Variants in PRKCE observed in about 807,000 individuals in gnomAD.
The protein encoded by PRKCE is protein kinase C epsilon.
A neutral mutation model predicts 85.4 loss-of-function variants in PRKCE; 16 were observed. The ratio of observed to expected loss-of-function variants is 0.19; its 90% CI spans 0.13 to 0.28. The LOEUF is 0.28. PRKCE is among the 10% of genes least tolerant of loss of function. The pLI is 1.00. For synonymous variants in PRKCE, 388 were observed against 371.5 expected, an observed-to-expected ratio of 1.04 and a Z score of -0.51; for missense variants, 573 against 975.2, an observed-to-expected ratio of 0.59 and a Z score of 5.49.
chr2:45,734,505 C>T (rs1022972160), intron 1 of PRKCE, among the ~76,000 whole-genome samples: 1 of 152,136 alleles, frequency 6.6e-6, no homozygotes, highest in African/African-American at 2.4e-5. Flanking sequence ...GTGGTGTGAG[C>T]ATTGGAAGTT....
chr2:46,094,366 C>G (rs937728284), intron 11 of PRKCE, among the ~76,000 whole-genome samples: 1 of 152,114 alleles, frequency 6.6e-6, no homozygotes, highest in Non-Finnish European at 1.5e-5. Context: ...TTGAGACTTT[C>G]CTTTTATATC....
chr2:45,808,565 C>A (rs1020009156), intron 1 of PRKCE, among the ~76,000 whole-genome samples: 1 of 152,170 alleles, frequency 6.6e-6, no homozygotes, highest in Admixed American at 6.5e-5. Flanking sequence ...ATGGTGCCAG[C>A]CCTTCCCATT....
chr2:46,147,494 A>G (rs1249347306), intron 12 of PRKCE, among the ~76,000 whole-genome samples: 1 of 152,226 alleles, frequency 6.6e-6, no homozygotes, highest in African/African-American at 2.4e-5. Flanking sequence ...AAAGCAGTCC[A>G]TTGGTGAGAC....
At chr2:45,983,439 T>G (rs1477290229) in intron 5 of PRKCE, among the ~76,000 whole-genome samples, 3 of 152,110 alleles carry the variant, frequency 2.0e-5, no homozygotes, top group African/African-American at 7.2e-5. Flanking sequence ...TGAGAGGGGC[T>G]GGGGGTGCAG....
intron 1 of PRKCE, among the ~76,000 whole-genome samples, chr2:45,720,112 A>G (rs1321594953): frequency 1.3e-5 from 2 of 152,132 alleles, no homozygotes; most frequent in Non-Finnish European, 2.9e-5. Flanking sequence ...TGATGGAGCT[A>G]TGGGCTGCTT....
intron 2 of PRKCE, among the ~76,000 whole-genome samples, chr2:45,964,832 G>A (rs1159666969): frequency 6.6e-6 from 1 of 152,162 alleles, no homozygotes; most frequent in Non-Finnish European, 1.5e-5. Flanking sequence ...CTCTAATGCT[G>A]CTGTGCCTAC....
chr2:46,120,375 A>C (rs1336656553), intron 11 of PRKCE, among the ~76,000 whole-genome samples: 3 of 152,160 alleles, frequency 2.0e-5, no homozygotes, highest in Non-Finnish European at 1.5e-5. Flanking sequence ...GAGGCCAAGG[A>C]TACTGGTAAA....
At chr2:45,858,104 G>A (rs1692823280) in intron 2 of PRKCE, among the ~76,000 whole-genome samples, 1 of 152,182 alleles carries the variant, frequency 6.6e-6, no homozygotes, top group African/African-American at 2.4e-5. Context: ...GTCATTGGCA[G>A]AGTGGCTGGA....
intron 1 of PRKCE, among the ~76,000 whole-genome samples, chr2:45,832,130 T>C (rs1039351468): frequency 4.6e-5 from 7 of 152,222 alleles, no homozygotes; most frequent in African/African-American, 1.7e-4. Context: ...CAGAGTATTA[T>C]GATGCAGGAA....
intron 1 of PRKCE, among the ~76,000 whole-genome samples, chr2:45,830,586 G>A (rs1186825590): frequency 6.6e-6 from 1 of 152,184 alleles, no homozygotes; most frequent in Non-Finnish European, 1.5e-5. Flanking sequence ...CCATGACAAA[G>A]AACAAATAGA....
intron 1 of PRKCE, among the ~76,000 whole-genome samples, chr2:45,689,033 T>C (rs561727775): frequency 1.3e-5 from 2 of 152,244 alleles, no homozygotes; most frequent in Admixed American, 6.5e-5. Flanking sequence ...GAACAAAATG[T>C]TGTAGGTATG....
intron 1 of PRKCE, among the ~76,000 whole-genome samples, chr2:45,710,722 A>G (rs1489873849): frequency 6.6e-6 from 1 of 152,162 alleles, no homozygotes; most frequent in Non-Finnish European, 1.5e-5. Flanking sequence ...ACTAACTGAC[A>G]TCTTGTTTTT....
Position 46,004,177 on chromosome 2 carries a change from C to A in PRKCE, c.967-365C>A. On this transcript the variant is annotated intron_variant, in intron 7 of 14. Coordinates refer to ENST00000306156, the MANE Select transcript of PRKCE (RefSeq NM_005400.3). The surrounding 1 kb of genome is among the most constrained non-coding windows in gnomAD (Gnocchi z 4.1). Reference sequence around the variant, plus strand: ...TTCCTGTAAACCTGGACTACTTTTCCAGCTTGCTAACCTTTATGGTGTCCT... The same window carrying A: ...TTCCTGTAAACCTGGACTACTTTTCAAGCTTGCTAACCTTTATGGTGTCCT... 1 of 295,826 alleles carries A rather than the reference C, an allele frequency of 3.4e-6. No homozygotes were observed. The highest frequency in any genetic ancestry group is 6.6e-6 in the Non-Finnish European group (1 of 150,526). 18.3% of individuals were successfully genotyped at this position (295,826 alleles called of 1,614,324 possible). A position where few individuals can be genotyped will look rare whatever the true frequency, so the allele number is the denominator to read the frequency against.
chr2:45,987,310 G>C (rs1484378535), intron 6 of PRKCE, among the ~76,000 whole-genome samples: 1 of 152,086 alleles, frequency 6.6e-6, no homozygotes, highest in Middle Eastern at 3.2e-3. Context: ...GGAACCCGGA[G>C]GGAATCAGGC....
At chr2:46,029,552 T>C (rs1707369929) in intron 10 of PRKCE, among the ~76,000 whole-genome samples, 1 of 152,180 alleles carries the variant, frequency 6.6e-6, no homozygotes, top group African/African-American at 2.4e-5. Flanking sequence ...GGCCTCCCTG[T>C]ATCCCTCAGT....
At position 45,655,733 on chromosome 2, in the gene PRKCE, G is replaced by A. The variant is rs376606104; in HGVS notation, c.348+3285G>A. On this transcript the variant is annotated intron_variant, in intron 1 of 14. Coordinates refer to ENST00000306156, the MANE Select transcript of PRKCE (RefSeq NM_005400.3). ...TGCCTGTAGTCCCAGCTACTCAGGA[G>A]GCCAAAGTGGGAGGATTACTTGAGT... Among the ~76,000 whole-genome samples, 20 of 151,884 alleles carry A rather than the reference G, an allele frequency of 1.3e-4. No individual in the cohort carries two copies. The East Asian group carries it at 2.5e-3, about 19-fold the overall frequency.
At chr2:45,777,244 A>T (rs1424387455) in intron 1 of PRKCE, among the ~76,000 whole-genome samples, 1 of 152,148 alleles carries the variant, frequency 6.6e-6, no homozygotes, top group Non-Finnish European at 1.5e-5. Flanking sequence ...TTTCTTGAGA[A>T]GGTAAGTTTG....
chr2:46,104,865 C>T (rs1249592152), intron 11 of PRKCE, among the ~76,000 whole-genome samples: 1 of 152,102 alleles, frequency 6.6e-6, no homozygotes, highest in Non-Finnish European at 1.5e-5. Flanking sequence ...CCCTTCAAGG[C>T]TCTGGGGTTA....
intron 1 of PRKCE, among the ~76,000 whole-genome samples, chr2:45,789,645 G>T (rs935126947): frequency 2.0e-5 from 3 of 152,122 alleles, no homozygotes; most frequent in Admixed American, 6.5e-5. Flanking sequence ...TGGGGGAAAG[G>T]GGGGAAAGAC....
Sources: gnomAD v4.1 joint callset for allele counts (sites outside exome capture counted in the v4.1 genomes callset) on GRCh38, gnomAD v4.1.1 for gene constraint, Gnocchi (gnomAD v3.1) non-coding constraint, MANE v1.5 for transcripts, NCBI Gene and HGNC (gene_info 2026-07-23, HGNC 2026-07-21) for gene names.